Variants in EMC7 observed in about 807,000 individuals in gnomAD.
EMC7 encodes ER membrane protein complex subunit 7.
EMC7 carries 4 observed loss-of-function variants against 24.4 expected under a neutral mutation model. That is an observed-to-expected ratio of 0.16 (90% CI 0.08 to 0.38). EMC7 has a LOEUF of 0.38. Among genes scored for constraint, EMC7 ranks in the 10% least tolerant of loss-of-function variants. The probability of loss-of-function intolerance (pLI) is 1.00; values close to 1 mark genes in which losing one functional copy is unlikely to be tolerated. For missense variants in EMC7, 221 were observed against 300.6 expected (o/e 0.74, Z 1.96); for synonymous variants, 106 against 112.0 (o/e 0.95, Z 0.34).
chr15:34,095,969 A>G lies in EMC7; in HGVS notation c.282T>C (p.Tyr94=), dbSNP rs767803585. 6 of 1,610,808 alleles carry G rather than the reference A, an allele frequency of 3.7e-6. No homozygotes were observed. Among genetic ancestry groups the G allele is most frequent in the South Asian group, 2.2e-5 (2 of 90,730 alleles). ...FVVHDIPSGS[Y]VVEVVSPAYR... ...AAGCTGGAGATACAACTTCCACTAC[A>G]TAAGATCCAGAAGGTATATCATGAA... Residue 94 remains tyrosine, a synonymous_variant, in exon 2 of 5, where the codon TAT becomes TAC. Transcript: ENST00000256545.
chr15:34,099,574 A>C (rs575236052), intron 1 of EMC7, among the ~76,000 whole-genome samples: 15 of 152,236 alleles, frequency 9.9e-5, no homozygotes, highest in South Asian at 6.2e-4. Context: ...TAAGATTATC[A>C]CCATAAACTC....
chr15:34,096,073 T>C (rs1901060851), intron 1 of EMC7, 59 bp from the exon 2 acceptor site: 1 of 1,417,202 alleles, frequency 7.1e-7, no homozygotes, highest in South Asian at 1.7e-5. Flanking sequence ...CTTTTCTTAC[T>C]TGCTAATTCC....
chr15:34,089,027 T>C (rs1900936061), intron 3 of EMC7, among the ~76,000 whole-genome samples: 1 of 151,918 alleles, frequency 6.6e-6, no homozygotes, highest in South Asian at 2.1e-4. Flanking sequence ...CAGCTAACTT[T>C]TTATATTTTT....
intron 1 of EMC7, 94 bp downstream of exon 1, chr15:34,101,510 G>T: frequency 2.2e-6 from 3 of 1,342,850 alleles, no homozygotes; most frequent in Non-Finnish European, 2.1e-6. Context: ...GTCTGAGACA[G>T]CGACGTTGTC....
intron 1 of EMC7, among the ~76,000 whole-genome samples, chr15:34,099,234 C>A (rs749891841): frequency 8.6e-5 from 13 of 151,760 alleles, no homozygotes; most frequent in Non-Finnish European, 1.5e-4. Context: ...AGACATGAAA[C>A]AAAACAGTAG....
intron 2 of EMC7, among the ~76,000 whole-genome samples, chr15:34,092,222 A>C (rs1021576980): frequency 1.2e-4 from 17 of 146,210 alleles, no homozygotes; most frequent in African/African-American, 4.3e-4. Context: ...CTGAGGGTGC[A>C]CCACTGCAAT....
rs753095506 is a variant in EMC7 at position 34,093,823 on chromosome 15, A to ATTTTTTTTTT, written c.356+2062_356+2071dup. On this transcript the variant is annotated intron_variant, in intron 2 of 4. Transcript: ENST00000256545. Reference sequence around the variant, plus strand: ...CACACACACATATATATATATATATATTTTTTTTTTTTTTTTTTTTGAGAC... The same window carrying ATTTTTTTTTT: ...CACACACACATATATATATATATATATTTTTTTTTTTTTTTTTTTTTTTTTTTTTTGAGAC... Among the ~76,000 whole-genome samples the ATTTTTTTTTT allele has an allele frequency of 2.7e-4, 13 of 48,702 alleles. No homozygotes were observed. The South Asian group carries it at 4.5e-3, about 17-fold the overall frequency. The allele number at this position is 48,702 out of a possible 152,430, so 32.0% of individuals were successfully genotyped here.
rs1184465478 is a variant in EMC7 at position 34,084,591 on chromosome 15, C to T, written c.577-105G>A. On this transcript the variant is annotated intron_variant, in intron 4 of 4. Coordinates refer to ENST00000256545, the MANE Select transcript of EMC7 (RefSeq NM_020154.3). Reference sequence around the variant, plus strand: ...AAAGGAGTAGAACAAGTGAAAGGTACTGGTTCTGAGCAATGATGCAACATC... The same window carrying T: ...AAAGGAGTAGAACAAGTGAAAGGTATTGGTTCTGAGCAATGATGCAACATC... The T allele has an allele frequency of 1.9e-5, 25 of 1,311,278 alleles. No individual in the cohort carries two copies. In the East Asian group the frequency reaches 5.9e-4, roughly 31 times the overall value. The allele number at this position is 1,311,278 out of a possible 1,614,324, so 81.2% of individuals were successfully genotyped here. A position where few individuals can be genotyped will look rare whatever the true frequency, so the allele number is the denominator to read the frequency against.
chr15:34,087,853 G>A (rs1243971714), intron 4 of EMC7, among the ~76,000 whole-genome samples, 200 bp downstream of exon 4: 5 of 151,988 alleles, frequency 3.3e-5, no homozygotes, highest in African/African-American at 7.2e-5. Flanking sequence ...ATCACAATAC[G>A]GTTCAAAAAC....
At position 34,084,321 on chromosome 15, in the gene EMC7, C is replaced by G; in HGVS notation, c.*13G>C. On this transcript the variant is annotated 3_prime_UTR_variant, in exon 5 of 5. Coordinates refer to ENST00000256545, the MANE Select transcript of EMC7 (RefSeq NM_020154.3). ...TGCCGTGTTTGTGCAAATGCCAGCT[C>G]TGGACGGCCTGACTACCTCCTTTTG... 6.2e-7 allele frequency: 1 copy of G among 1,610,246 alleles called. No individual in the cohort carries two copies. Among genetic ancestry groups the G allele is most frequent in the Non-Finnish European group, 8.5e-7 (1 of 1,177,112 alleles).
intron 2 of EMC7, among the ~76,000 whole-genome samples, chr15:34,094,659 G>A (rs117817758): frequency 0.036 from 5,512 of 151,608 alleles, 150 homozygotes; most frequent in Middle Eastern, 0.11. Context: ...CCAAGATTGC[G>A]CCACTGCACT....
intron 4 of EMC7, 96 bp from the exon 5 acceptor site, chr15:34,084,582 T>C (rs988625869): frequency 1.5e-6 from 2 of 1,371,072 alleles, no homozygotes; most frequent in East Asian, 4.7e-5. Flanking sequence ...GTAGAACAAG[T>C]GAAAGGTACT....
chr15:34,091,157 A>G (rs1472612309), intron 2 of EMC7, among the ~76,000 whole-genome samples: 1 of 152,116 alleles, frequency 6.6e-6, no homozygotes, highest in African/African-American at 2.4e-5. Context: ...TTCAATGCCT[A>G]TATTCATTGT....
chr15:34,096,316 G>A lies in EMC7; in HGVS notation c.237-302C>T, dbSNP rs540046797. 2.6e-5 allele frequency among the ~76,000 whole-genome samples: 4 copies of A among 152,184 alleles called. No homozygotes were observed. In the South Asian group the frequency reaches 6.2e-4, roughly 24 times the overall value. ...CTCCCGAGTAGCTGGGATTACAGGC[G>A]TGCCCCATCATGCCCAGCTAATTTT... On this transcript the variant is annotated intron_variant, in intron 1 of 4. Coordinates refer to ENST00000256545, the MANE Select transcript of EMC7 (RefSeq NM_020154.3).
At chr15:34,086,519 C>T (rs979603095) in intron 4 of EMC7, among the ~76,000 whole-genome samples, 2 of 152,182 alleles carry the variant, frequency 1.3e-5, no homozygotes, top group Non-Finnish European at 2.9e-5. Flanking sequence ...ACCTCTGCCT[C>T]CCAGTTTCAA....
At chr15:34,093,823 A>ATATATATATATTTTT (rs1190830993) in intron 2 of EMC7, among the ~76,000 whole-genome samples, 2 of 48,714 alleles carry the variant, frequency 4.1e-5, no homozygotes, top group African/African-American at 1.1e-4. Context: ...ATATATATAT[A>ATATATATATATTTTT]TTTTTTTTTT....
At chr15:34,100,718 A>C (rs1191331193) in intron 1 of EMC7, 1 of 152,232 alleles carries the variant, frequency 6.6e-6, no homozygotes, top group Non-Finnish European at 1.5e-5. Flanking sequence ...TGATTTTCAG[A>C]TACCATTTGC....
Position 34,090,220 on chromosome 15 carries a change from C to A in EMC7, c.495+97G>T, listed in dbSNP as rs1192704783. 47 of 1,264,764 alleles carry A rather than the reference C, an allele frequency of 3.7e-5. No individual in the cohort carries two copies. In the Admixed American group the frequency reaches 1.0e-3, roughly 27 times the overall value. The allele number at this position is 1,264,764 out of a possible 1,614,324, so 78.3% of individuals were successfully genotyped here. ...CACAATTATCCTTTCATCCACCAAT[C>A]TGACCTCAGCTTTCTATCTCACAGA... On this transcript the variant is annotated intron_variant, in intron 3 of 4. Coordinates refer to ENST00000256545, the MANE Select transcript of EMC7 (RefSeq NM_020154.3).
At chr15:34,086,105 T>G (rs1405263295) in intron 4 of EMC7, 2 of 357,150 alleles carry the variant, frequency 5.6e-6, no homozygotes, top group African/African-American at 4.4e-5. Context: ...AGCCACTGGG[T>G]AGTAAGTACT....
Sources: gnomAD v4.1 joint callset for allele counts (sites outside exome capture counted in the v4.1 genomes callset) on GRCh38, gnomAD v4.1.1 for gene constraint, MANE v1.5 for transcripts, NCBI Gene and HGNC (gene_info 2026-07-23, HGNC 2026-07-21) for gene names.